Variants in GPC6 observed in about 807,000 individuals in gnomAD.
GPC6 encodes glypican-6.
In GPC6, 14 loss-of-function variants were observed where a neutral mutation model predicts 55.2. The observed-to-expected ratio is 0.25, with a 90% CI of 0.17 to 0.40. GPC6 has a LOEUF of 0.40. Among genes scored for constraint, GPC6 ranks in the 10% least tolerant of loss-of-function variants. GPC6 has a pLI of 1.00. For synonymous variants in GPC6, 278 were observed against 259.6 expected, an observed-to-expected ratio of 1.07 and a Z score of -0.68; for missense variants, 641 against 708.5, an observed-to-expected ratio of 0.90 and a Z score of 1.08.
At chr13:93,547,646 A>G (rs894541522) in intron 2 of GPC6, among the ~76,000 whole-genome samples, 1 of 152,044 alleles carries the variant, frequency 6.6e-6, no homozygotes, top group Non-Finnish European at 1.5e-5. Flanking sequence ...GCAACCACTC[A>G]TCTTATTGCA....
At chr13:93,538,722 G>A (rs180751004) in intron 1 of GPC6, among the ~76,000 whole-genome samples, 46 of 152,282 alleles carry the variant, frequency 3.0e-4, no homozygotes, top group African/African-American at 1.1e-3. Context: ...GACTGAGAAA[G>A]TCACCTACTC....
intron 1 of GPC6, among the ~76,000 whole-genome samples, chr13:93,378,162 C>A (rs1223884380): frequency 6.6e-6 from 1 of 152,130 alleles, no homozygotes; most frequent in Non-Finnish European, 1.5e-5. Context: ...ATTATCCTGG[C>A]AAAGGATTGT....
rs1455401973 is a variant in GPC6, at chr13:94,136,018, T to G, written c.877+108124T>G. 6.6e-5 allele frequency among the ~76,000 whole-genome samples: 10 copies of G among 152,248 alleles called. No individual in the cohort carries two copies. In the East Asian group the frequency reaches 1.9e-3, roughly 29 times the overall value. Reference sequence around the variant, plus strand: ...TTTTGACTATCATTGAGAAATCAAATTTCAAAAATCATTTAGGAAATGGAT... The same window carrying G: ...TTTTGACTATCATTGAGAAATCAAAGTTCAAAAATCATTTAGGAAATGGAT... On this transcript the variant is annotated intron_variant, in intron 4 of 8. Coordinates refer to ENST00000377047, the MANE Select transcript of GPC6 (RefSeq NM_005708.5).
chr13:93,734,315 T>C (rs758866729), intron 2 of GPC6, among the ~76,000 whole-genome samples: 5 of 152,184 alleles, frequency 3.3e-5, no homozygotes, highest in South Asian at 4.1e-4. Flanking sequence ...GTGGGAACAA[T>C]TGTAGAGTTA....
chr13:93,310,368 G>A (rs1421612290), intron 1 of GPC6, among the ~76,000 whole-genome samples: 1 of 152,164 alleles, frequency 6.6e-6, no homozygotes, highest in Non-Finnish European at 1.5e-5. Context: ...AAGAGCTTGG[G>A]GTTTTGACTT....
intron 6 of GPC6, among the ~76,000 whole-genome samples, chr13:94,363,929 C>T (rs572496739): frequency 1.3e-5 from 2 of 152,192 alleles, no homozygotes; most frequent in South Asian, 4.1e-4. Flanking sequence ...AAAGAATATA[C>T]AATATCTCAT....
At chr13:94,165,391 G>A (rs1163593298) in intron 4 of GPC6, among the ~76,000 whole-genome samples, 3 of 151,816 alleles carry the variant, frequency 2.0e-5, no homozygotes, top group African/African-American at 7.3e-5. Context: ...AGTAACTCAG[G>A]AATGGAAAAC....
At chr13:93,270,402 G>C (rs1877479234) in intron 1 of GPC6, among the ~76,000 whole-genome samples, 1 of 151,816 alleles carries the variant, frequency 6.6e-6, no homozygotes, top group Non-Finnish European at 1.5e-5. Flanking sequence ...TATCTTTATA[G>C]ATATGTAGAT....
chr13:94,240,404 A>G (rs745349032), intron 4 of GPC6, among the ~76,000 whole-genome samples: 2 of 152,112 alleles, frequency 1.3e-5, no homozygotes, highest in Non-Finnish European at 2.9e-5. Flanking sequence ...TTTACCCGAG[A>G]GGGCCTCCTT....
intron 1 of GPC6, among the ~76,000 whole-genome samples, chr13:93,372,161 G>A (rs898333815): frequency 3.9e-5 from 6 of 152,130 alleles, no homozygotes; most frequent in Non-Finnish European, 7.4e-5. Context: ...ATACACAAGA[G>A]GCTTTATAGT....
At chr13:93,272,350 T>G (rs1246351901) in intron 1 of GPC6, among the ~76,000 whole-genome samples, 1 of 151,852 alleles carries the variant, frequency 6.6e-6, no homozygotes, top group African/African-American at 2.4e-5. Flanking sequence ...TATAAATTTA[T>G]TTTACATTCT....
the GPC6 span, among the ~76,000 whole-genome samples, chr13:93,220,514 T>G: frequency 6.6e-6 from 1 of 152,200 alleles, no homozygotes; most frequent in African/African-American, 2.4e-5. Flanking sequence ...TTGTGATAGG[T>G]TTTTCACCTT....
intron 1 of GPC6, among the ~76,000 whole-genome samples, chr13:93,331,883 T>C (rs1879859428): frequency 6.6e-6 from 1 of 152,082 alleles, no homozygotes; most frequent in African/African-American, 2.4e-5. Context: ...CTCCCCAACC[T>C]CTGGTAAGCA....
intron 3 of GPC6, among the ~76,000 whole-genome samples, chr13:93,877,450 T>A (rs980045998): frequency 5.3e-5 from 8 of 151,058 alleles, no homozygotes; most frequent in African/African-American, 2.0e-4. Context: ...AATTAAAAAA[T>A]ATAACACACA....
chr13:94,092,403 CT>C (rs1415335083), intron 4 of GPC6, among the ~76,000 whole-genome samples: 23 of 152,172 alleles, frequency 1.5e-4, no homozygotes, highest in African/African-American at 5.5e-4. Context: ...TCTCTCTGTG[CT>C]TGGCTTACTT....
chr13:94,032,872 G>T (rs535525732), intron 4 of GPC6, among the ~76,000 whole-genome samples: 10 of 152,274 alleles, frequency 6.6e-5, no homozygotes, highest in African/African-American at 2.4e-4. Flanking sequence ...GAAACCCAAG[G>T]TGGGCACTGC....
intron 3 of GPC6, among the ~76,000 whole-genome samples, chr13:93,946,988 CTG>C (rs1879038010): frequency 6.6e-6 from 1 of 152,148 alleles, no homozygotes; most frequent in East Asian, 1.9e-4. Flanking sequence ...GAATCTGACT[CTG>C]TATAAAGGAG....
chr13:93,472,941 A>T (rs1879175455), intron 1 of GPC6, among the ~76,000 whole-genome samples: 1 of 152,168 alleles, frequency 6.6e-6, no homozygotes, highest in Non-Finnish European at 1.5e-5. Context: ...CTCTGCAGAC[A>T]GATTGTCTCA....
At chr13:94,205,905 C>T (rs1889888208) in intron 4 of GPC6, among the ~76,000 whole-genome samples, 1 of 152,154 alleles carries the variant, frequency 6.6e-6, no homozygotes, top group South Asian at 2.1e-4. Flanking sequence ...TTTTGCCCAT[C>T]AGAGACGTTT....
Sources: allele counts gnomAD v4.1 joint callset (sites outside exome capture counted in the v4.1 genomes callset), GRCh38; gene constraint gnomAD v4.1.1; transcripts MANE v1.5; gene names NCBI Gene and HGNC (gene_info 2026-07-23, HGNC 2026-07-21).